Variants in HADHA observed in about 807,000 individuals in gnomAD.
HADHA encodes trifunctional enzyme subunit alpha, mitochondrial.
In HADHA, 59 loss-of-function variants were observed where a neutral mutation model predicts 91.3. The ratio of observed to expected loss-of-function variants is 0.65; its 90% CI spans 0.52 to 0.80. The LOEUF is 0.80. HADHA is among the 30% of genes least tolerant of loss of function. The pLI is 0.00. For synonymous variants in HADHA, 320 were observed against 338.9 expected (o/e 0.94, Z 0.61); for missense variants, 800 against 927.6 (o/e 0.86, Z 1.79).
At chr2:26,203,599 G>A (rs1338959205) in intron 12 of HADHA, among the ~76,000 whole-genome samples, 4 of 152,130 alleles carry the variant, frequency 2.6e-5, no homozygotes, top group Admixed American at 6.5e-5. Context: ...TCCTGATCCC[G>A]GCCCTGCCTT....
intron 5 of HADHA, among the ~76,000 whole-genome samples, chr2:26,233,415 G>C (rs1055247939): frequency 1.1e-4 from 17 of 152,358 alleles, no homozygotes; most frequent in African/African-American, 3.8e-4. Context: ...CTGCATATGT[G>C]AAAGTGTCTG....
intron 7 of HADHA, among the ~76,000 whole-genome samples, chr2:26,224,406 AT>A (rs1670441467): frequency 6.6e-6 from 1 of 152,202 alleles, no homozygotes; most frequent in Non-Finnish European, 1.5e-5. Flanking sequence ...ATAAATATTC[AT>A]TTCTGAATAC....
chr2:26,199,664 G>A (rs1669778514), intron 13 of HADHA, among the ~76,000 whole-genome samples: 1 of 152,176 alleles, frequency 6.6e-6, no homozygotes, highest in Non-Finnish European at 1.5e-5. Context: ...TACCCTGCCA[G>A]TTCCAGGCCT....
At chr2:26,195,413 G>A (rs552384236) in intron 14 of HADHA, among the ~76,000 whole-genome samples, 181 bp from the exon 15 acceptor site, 2 of 152,128 alleles carry the variant, frequency 1.3e-5, no homozygotes, top group Admixed American at 6.6e-5. Context: ...TTTAGGGAGA[G>A]CACATTGGAA....
rs200802583 is a variant in HADHA at position 26,192,301 on chromosome 2, C to T, written c.2000+9G>A. The T allele has an allele frequency of 2.1e-5, 29 of 1,403,656 alleles. No homozygotes were observed. In the Admixed American group the frequency reaches 2.5e-4, roughly 12 times the overall value. 87.0% of individuals were successfully genotyped at this position (1,403,656 alleles called of 1,614,324 possible). A position where few individuals can be genotyped will look rare whatever the true frequency, so the allele number is the denominator to read the frequency against. On this transcript the variant is annotated intron_variant, in intron 18 of 19. Transcript: ENST00000380649. ...AATTTCCAGGCATTAGCCACTCAAA[C>T]GGACTTACACTTCAGACTTAGGAGG...
chr2:26,236,226 C>G (rs1409151608), intron 4 of HADHA, among the ~76,000 whole-genome samples: 1 of 151,980 alleles, frequency 6.6e-6, no homozygotes, highest in Non-Finnish European at 1.5e-5. Flanking sequence ...TACCCATTTT[C>G]CTACTGACTG....
At chr2:26,212,197 C>T in intron 10 of HADHA, 1 of 314,014 alleles carries the variant, frequency 3.2e-6, no homozygotes, top group South Asian at 2.9e-5. Flanking sequence ...AACAATTCTC[C>T]TGCCTCAGCC....
chr2:26,209,280 G>A lies in HADHA; in HGVS notation c.1085+500C>T, dbSNP rs542800704. 1.9e-4 allele frequency among the ~76,000 whole-genome samples: 29 copies of A among 152,322 alleles called. 1 individual carries two copies. The South Asian group carries it at 5.6e-3, about 29-fold the overall frequency. ...AAACATAGACTCTGAAGAGCTATTA[G>A]GCAGCGTAATATGGAAAAAGGCTGG... On this transcript the variant is annotated intron_variant, in intron 11 of 19. Transcript: ENST00000380649.
At chr2:26,200,901 T>G (rs1669814251) in intron 13 of HADHA, among the ~76,000 whole-genome samples, 1 of 151,828 alleles carries the variant, frequency 6.6e-6, no homozygotes. Flanking sequence ...CCCGGCTAAT[T>G]TTTGTATTTT....
chr2:26,234,568 C>T (rs1670701044), intron 4 of HADHA, among the ~76,000 whole-genome samples: 1 of 152,062 alleles, frequency 6.6e-6, no homozygotes, highest in African/African-American at 2.4e-5. Context: ...TCCATGAGAC[C>T]ATCCCGGCTA....
At position 26,234,233 on chromosome 2, in the gene HADHA, A is replaced by C; in HGVS notation, c.437T>G (p.Leu146Arg). Reference protein sequence around the residue: ...PIVAAINGSCLGGGLEVAISC... With the variant: ...PIVAAINGSCRGGGLEVAISC... Reference sequence around the variant, plus strand: ...TATCTATACCTCAAGTCCTCCTCCCAGGCAGGATCCATTGATGGCAGCCAC... The same window carrying C: ...TATCTATACCTCAAGTCCTCCTCCCCGGCAGGATCCATTGATGGCAGCCAC... The change falls in exon 5 of 20, where the codon CTG becomes CGG. Residue 146 changes from leucine to arginine, a missense_variant. Physicochemically the swap from Leu to Arg is moderately radical, Grantham distance 102. Coordinates refer to ENST00000380649, the MANE Select transcript of HADHA (RefSeq NM_000182.5). 6.2e-7 allele frequency: 1 copy of C among 1,613,992 alleles called. No individual in the cohort carries two copies. The highest frequency in any genetic ancestry group is 8.5e-7 in the Non-Finnish European group (1 of 1,179,842).
chr2:26,195,418 T>C (rs570697763), intron 14 of HADHA, among the ~76,000 whole-genome samples, 186 bp from the exon 15 acceptor site: 2 of 152,192 alleles, frequency 1.3e-5, no homozygotes, highest in South Asian at 4.1e-4. Context: ...GGAGAGCACA[T>C]TGGAATCCTC....
intron 1 of HADHA, among the ~76,000 whole-genome samples, chr2:26,239,814 C>A (rs1670848602): frequency 6.6e-6 from 1 of 152,088 alleles, no homozygotes; most frequent in Admixed American, 6.5e-5. Flanking sequence ...TTTAAGCAAT[C>A]CAAGCCAGCC....
chr2:26,225,774 A>C (rs1670471634), intron 7 of HADHA, among the ~76,000 whole-genome samples: 1 of 152,210 alleles, frequency 6.6e-6, no homozygotes, highest in East Asian at 1.9e-4. Flanking sequence ...CTTTCCTCCT[A>C]AGACTGGGAA....
intron 13 of HADHA, among the ~76,000 whole-genome samples, chr2:26,198,398 C>CA (rs1454506425): frequency 6.1e-5 from 9 of 147,140 alleles, no homozygotes; most frequent in African/African-American, 2.3e-4. Context: ...TTTTTAAAGA[C>CA]AGAGTCTCGC....
At position 26,191,134 on chromosome 2, in the gene HADHA, C is replaced by G; in HGVS notation, c.*116G>C. ...AGGCACTTTAATCAGGGAGCAAACC[C>G]AGTGCCGGAGTTTGTCTTCTCGTTA... On this transcript the variant is annotated 3_prime_UTR_variant, in exon 20 of 20. Transcript: ENST00000380649. The G allele has an allele frequency of 9.6e-7, 1 of 1,036,704 alleles. No individual in the cohort carries two copies. Among genetic ancestry groups the G allele is most frequent in the South Asian group, 1.3e-5 (1 of 75,240 alleles). The allele number at this position is 1,036,704 out of a possible 1,614,324, so 64.2% of individuals were successfully genotyped here. A position where few individuals can be genotyped will look rare whatever the true frequency, so the allele number is the denominator to read the frequency against.
intron 4 of HADHA, among the ~76,000 whole-genome samples, chr2:26,236,365 A>G (rs1319613433): frequency 8.7e-5 from 11 of 126,622 alleles, no homozygotes; most frequent in African/African-American, 2.0e-4. Context: ...GTGTGTATAT[A>G]TATATATATA....
intron 12 of HADHA, among the ~76,000 whole-genome samples, chr2:26,201,988 A>T (rs1183417321): frequency 1.4e-5 from 2 of 144,154 alleles, no homozygotes; most frequent in African/African-American, 5.2e-5. Flanking sequence ...TTTAGTAGAG[A>T]TGGGGTTTCA....
intron 7 of HADHA, among the ~76,000 whole-genome samples, chr2:26,227,814 AT>A (rs919436881): frequency 3.2e-4 from 47 of 147,104 alleles, no homozygotes; most frequent in South Asian, 4.4e-4. Context: ...TCATCTCTAA[AT>A]TTTTTTTTTT....
Sources: gnomAD v4.1 joint callset for allele counts (sites outside exome capture counted in the v4.1 genomes callset) on GRCh38, gnomAD v4.1.1 for gene constraint, MANE v1.5 for transcripts, NCBI Gene and HGNC (gene_info 2026-07-23, HGNC 2026-07-21) for gene names.